Variants in FRMPD4 observed in about 807,000 individuals in gnomAD.
The protein encoded by FRMPD4 is FERM and PDZ domain-containing protein 4.
Under a neutral mutation model 94.1 loss-of-function variants are expected in FRMPD4, and 22 were observed. That is an observed-to-expected ratio of 0.23 (90% CI 0.17 to 0.33). FRMPD4 has a LOEUF of 0.33. FRMPD4 is among the 10% of genes least tolerant of loss of function. The pLI is 1.00. For synonymous variants in FRMPD4, 631 were observed against 548.6 expected (o/e 1.15, Z -2.10); for missense variants, 1,111 against 1,339.9 (o/e 0.83, Z 2.67).
At chrX:12,132,096 A>G (rs759764923) in intron 3 of FRMPD4, among the ~76,000 whole-genome samples, 8 of 111,824 alleles carry the variant, frequency 7.2e-5, no homozygotes, top group Non-Finnish European at 1.5e-4. Flanking sequence ...CTAGTAGGCC[A>G]TCGCAATTAT....
rs75715996 is a variant in FRMPD4 at position 12,508,080 on chromosome X, T to C, written c.158+9284T>C. On this transcript the variant is annotated intron_variant, in intron 2 of 16. Coordinates refer to ENST00000675598, the MANE Select transcript of FRMPD4 (RefSeq NM_001368397.1). ...AATGGTCGACAGAAAAACAGCCCCA[T>C]TGTACTTTCAAAAAGTTAATTGTCC... 5.6e-4 allele frequency among the ~76,000 whole-genome samples: 63 copies of C among 112,434 alleles called. 3 individuals are homozygous for C. In the East Asian group the frequency reaches 0.018, roughly 31 times the overall value.
intron 4 of FRMPD4, among the ~76,000 whole-genome samples, chrX:12,641,347 G>A (rs911977392): frequency 2.7e-5 from 3 of 111,296 alleles, no homozygotes; most frequent in Non-Finnish European, 3.8e-5. Context: ...GGGATAGAGT[G>A]TTTATAGTCG....
intron 3 of FRMPD4, among the ~76,000 whole-genome samples, chrX:11,991,401 T>C (rs922603752): frequency 3.6e-5 from 4 of 111,106 alleles, no homozygotes; most frequent in Admixed American, 1.9e-4. Flanking sequence ...AAACAAGGAG[T>C]CAAGCTCTTA....
At chrX:12,139,548 T>G (rs1483391658) in intron 1 of FRMPD4, among the ~76,000 whole-genome samples, 1 of 97,207 alleles carries the variant, frequency 1.0e-5, no homozygotes, top group Admixed American at 1.3e-4. Flanking sequence ...GCCTTTTTTT[T>G]TTTGGGGGGG....
At chrX:11,914,250 G>A (rs1329781198) in intron 3 of FRMPD4, among the ~76,000 whole-genome samples, 1 of 108,199 alleles carries the variant, frequency 9.2e-6, no homozygotes, top group East Asian at 2.9e-4. Flanking sequence ...CAATTATGAT[G>A]TCCTTTGAAT....
intron 2 of FRMPD4, among the ~76,000 whole-genome samples, chrX:12,574,332 T>C (rs2058788251): frequency 8.9e-6 from 1 of 111,910 alleles, no homozygotes; most frequent in Non-Finnish European, 1.9e-5. Context: ...TAGTAAGTAT[T>C]TAAAATTTTT....
Position 12,459,436 on chromosome X carries a change from A to G in FRMPD4, c.42-39244A>G, listed in dbSNP as rs144339782. On this transcript the variant is annotated intron_variant, in intron 1 of 16. Coordinates refer to ENST00000675598, the MANE Select transcript of FRMPD4 (RefSeq NM_001368397.1). ...ATCAAGTTACAGAACACTTCCATCT[A>G]CCCATAGTTTCCTCAAGTCCCTTAC... 5.7e-3 allele frequency among the ~76,000 whole-genome samples: 627 copies of G among 110,794 alleles called. 1 individual carries two copies. Among genetic ancestry groups the G allele is most frequent in the African/African-American group, 0.02 (602 of 30,554 alleles).
intron 1 of FRMPD4, among the ~76,000 whole-genome samples, chrX:12,218,149 AT>A (rs1351558083): frequency 8.9e-6 from 1 of 112,325 alleles, no homozygotes; most frequent in East Asian, 2.8e-4. Flanking sequence ...AATGAAAAAA[AT>A]AAGAGATCAA....
intron 1 of FRMPD4, among the ~76,000 whole-genome samples, chrX:12,213,443 G>T (rs1172622778): frequency 8.9e-6 from 1 of 111,912 alleles, no homozygotes; most frequent in East Asian, 2.8e-4. Flanking sequence ...TGGGTGGGTG[G>T]AAAACATCTA....
chrX:12,451,733 CGTGTGTGTGTGTGTGTGTGT>C (rs72300557), intron 1 of FRMPD4, among the ~76,000 whole-genome samples: 23 of 98,812 alleles, frequency 2.3e-4, no homozygotes, highest in Non-Finnish European at 4.1e-4. Context: ...TGTGTATGCC[CGTGTGTGTGTGTGTGTGTGT>C]GTGTGTGTGT....
intron 2 of FRMPD4, among the ~76,000 whole-genome samples, chrX:12,602,744 G>T (rs1038977125): frequency 9.0e-6 from 1 of 111,604 alleles, no homozygotes; most frequent in African/African-American, 3.3e-5. Flanking sequence ...TCTCACTGAG[G>T]TGCAGGCTCT....
At chrX:12,704,265 G>T in intron 10 of FRMPD4, 94 bp from the exon 11 acceptor site, 1 of 637,558 alleles carries the variant, frequency 1.6e-6, no homozygotes, top group Non-Finnish European at 2.3e-6. Context: ...CTCACCAAGG[G>T]TTCATTTGTT....
At chrX:12,446,075 A>G (rs1172780323) in intron 1 of FRMPD4, among the ~76,000 whole-genome samples, 2 of 112,182 alleles carry the variant, frequency 1.8e-5, no homozygotes, top group Non-Finnish European at 3.8e-5. Context: ...AGAGCAAGAG[A>G]GAGAGAAATT....
intron 1 of FRMPD4, among the ~76,000 whole-genome samples, chrX:12,403,722 CCATGAT>C (rs2056635309): frequency 1.8e-5 from 2 of 111,566 alleles, no homozygotes; most frequent in African/African-American, 3.3e-5. Flanking sequence ...ACCAGCAGCA[CCATGAT>C]CACACTGCTG....
At chrX:11,869,867 T>C (rs1448594831) in intron 2 of FRMPD4, among the ~76,000 whole-genome samples, 3 of 111,414 alleles carry the variant, frequency 2.7e-5, no homozygotes, top group Non-Finnish European at 5.7e-5. Flanking sequence ...CTTTCAAAGA[T>C]CATTTGATCT....
chrX:12,591,336 C>G (rs2058981222), intron 2 of FRMPD4, among the ~76,000 whole-genome samples: 1 of 112,097 alleles, frequency 8.9e-6, no homozygotes, highest in Admixed American at 9.5e-5. Context: ...TCCTCATCAT[C>G]TTCATGCTGA....
In FRMPD4 at chrX:12,703,469, G is replaced by A. The variant is rs191946393; in HGVS notation, c.1071-890G>A. On this transcript the variant is annotated intron_variant, in intron 10 of 16. Coordinates refer to ENST00000675598, the MANE Select transcript of FRMPD4 (RefSeq NM_001368397.1). Reference sequence around the variant, plus strand: ...AGAATATGAATGGTCAAGTGGTGGGGGTAGGTTGTCTTCCTACCCTTCTTT... The same window carrying A: ...AGAATATGAATGGTCAAGTGGTGGGAGTAGGTTGTCTTCCTACCCTTCTTT... Among the ~76,000 whole-genome samples, 6 of 111,658 alleles carry A rather than the reference G, an allele frequency of 5.4e-5. No homozygotes were observed. The East Asian group carries it at 1.1e-3, about 21-fold the overall frequency.
chrX:12,353,295 G>A (rs1368054849), intron 1 of FRMPD4, among the ~76,000 whole-genome samples: 1 of 112,233 alleles, frequency 8.9e-6, no homozygotes, highest in African/African-American at 3.2e-5. Flanking sequence ...AGCTCGAGCC[G>A]ATTCTAGAGG....
At chrX:12,523,653 T>C (rs934948732) in intron 2 of FRMPD4, among the ~76,000 whole-genome samples, 1 of 111,289 alleles carries the variant, frequency 9.0e-6, no homozygotes, top group Non-Finnish European at 1.9e-5. Flanking sequence ...ATGAGCATAA[T>C]TGTACTTACT....
Sources: allele counts gnomAD v4.1 joint callset (sites outside exome capture counted in the v4.1 genomes callset), GRCh38; gene constraint gnomAD v4.1.1; transcripts MANE v1.5; gene names NCBI Gene and HGNC (gene_info 2026-07-23, HGNC 2026-07-21).